Variants in HIPK2 observed in about 807,000 individuals in gnomAD.
HIPK2 encodes homeodomain interacting protein kinase 2.
Under a neutral mutation model 113.7 loss-of-function variants are expected in HIPK2, and 27 were observed. That is an observed-to-expected ratio of 0.24 (90% confidence interval 0.17 to 0.33). HIPK2 has a LOEUF of 0.33. HIPK2 is among the 10% of genes least tolerant of loss of function. The pLI is 1.00. For missense variants in HIPK2, 1,257 were observed against 1,588.0 expected (o/e 0.79, Z 3.54); for synonymous variants, 631 against 642.2 (o/e 0.98, Z 0.26).
Position 139,628,212 on chromosome 7 carries a change from G to A in HIPK2, c.1434+741C>T, listed in dbSNP as rs527509215. Among the ~76,000 whole-genome samples, 18 of 152,344 alleles carry A rather than the reference G, an allele frequency of 1.2e-4. No homozygotes were observed. In the East Asian group the frequency reaches 3.3e-3, roughly 28 times the overall value. On this transcript the variant is annotated intron_variant, in intron 5 of 14. Coordinates refer to ENST00000406875, the MANE Select transcript of HIPK2 (RefSeq NM_022740.5). Reference sequence around the variant, plus strand: ...TGGCCTTTACAGTGAACATGGGCCTGCTGAAGCCCAACTTCCAATTTCTGG... The same window carrying A: ...TGGCCTTTACAGTGAACATGGGCCTACTGAAGCCCAACTTCCAATTTCTGG...
At chr7:139,732,727 G>A (rs941646021) in intron 1 of HIPK2, among the ~76,000 whole-genome samples, 11 of 147,978 alleles carry the variant, frequency 7.4e-5, no homozygotes, top group Non-Finnish European at 1.3e-4. Context: ...TCCTTGTGAG[G>A]AGTAAATGAA....
At chr7:139,605,650 G>A (rs1278776784) in intron 9 of HIPK2, among the ~76,000 whole-genome samples, 3 of 152,098 alleles carry the variant, frequency 2.0e-5, no homozygotes, top group South Asian at 4.1e-4. Flanking sequence ...CACCTGTTCC[G>A]TTATTTTCAT....
chr7:139,579,125 G>A (rs532322646), intron 13 of HIPK2, among the ~76,000 whole-genome samples: 9 of 152,218 alleles, frequency 5.9e-5, no homozygotes, highest in Non-Finnish European at 8.8e-5. Context: ...CCAGTCATTC[G>A]CCAAAATGCG....
chr7:139,600,542 T>C lies in HIPK2; in HGVS notation c.2310A>G (p.Leu770=), dbSNP rs781076437. The change falls in exon 11 of 15, where the codon CTA becomes CTG. Residue 770 remains leucine, a synonymous_variant. Transcript: ENST00000406875. ...HYNPIMQQPA[L]LTGHVTLPAA... Reference sequence around the variant, plus strand: ...CTGGAAGGGTCACATGACCGGTCAATAGTGCAGGCTGCTGCATGATGGGAT... The same window carrying C: ...CTGGAAGGGTCACATGACCGGTCAACAGTGCAGGCTGCTGCATGATGGGAT... 3.7e-6 allele frequency: 6 copies of C among 1,613,998 alleles called. No homozygotes were observed. The highest frequency in any genetic ancestry group is 3.3e-5 in the Admixed American group (2 of 60,018).
chr7:139,727,648 T>C (rs1795624389), intron 1 of HIPK2, among the ~76,000 whole-genome samples: 1 of 152,232 alleles, frequency 6.6e-6, no homozygotes, highest in Non-Finnish European at 1.5e-5. Flanking sequence ...TAACTCCTTT[T>C]GGTAACTCTG....
intron 2 of HIPK2, among the ~76,000 whole-genome samples, chr7:139,711,194 A>G (rs11769215): frequency 0.38 from 57,012 of 151,844 alleles, 15,310 homozygotes; most frequent in African/African-American, 0.76. Flanking sequence ...TTGGGAGGCC[A>G]AGGCAGGCGG....
At chr7:139,602,524 T>C (rs1407507032) in intron 10 of HIPK2, among the ~76,000 whole-genome samples, 1 of 152,008 alleles carries the variant, frequency 6.6e-6, no homozygotes, top group Middle Eastern at 3.2e-3. Context: ...AGTAAGTGTA[T>C]GTGTATTTCT....
chr7:139,754,050 C>T (rs191789646), intron 1 of HIPK2, among the ~76,000 whole-genome samples: 1 of 152,228 alleles, frequency 6.6e-6, no homozygotes, highest in Non-Finnish European at 1.5e-5. Flanking sequence ...GTGCACAACA[C>T]AAAGGGAAGC....
chr7:139,645,869 G>A (rs962317506), intron 2 of HIPK2, among the ~76,000 whole-genome samples: 1 of 152,122 alleles, frequency 6.6e-6, no homozygotes, highest in East Asian at 1.9e-4. Flanking sequence ...GAGCTCTCAC[G>A]GTGACTGGTT....
intron 1 of HIPK2, among the ~76,000 whole-genome samples, chr7:139,773,096 C>T (rs1191559615): frequency 6.6e-6 from 1 of 152,162 alleles, no homozygotes; most frequent in Non-Finnish European, 1.5e-5. Flanking sequence ...CAGGGCCTGA[C>T]ACACAGCAGG....
Position 139,565,167 on chromosome 7 carries a change from A to G in HIPK2, c.*7760T>C, listed in dbSNP as rs1281677472. 1 of 152,122 alleles carries G rather than the reference A, an allele frequency of 6.6e-6. No individual in the cohort carries two copies. The highest frequency in any genetic ancestry group is 2.4e-5 in the African/African-American group (1 of 41,410). The allele number at this position is 152,122 out of a possible 1,614,324, so 9.4% of individuals were successfully genotyped here. On this transcript the variant is annotated 3_prime_UTR_variant, in exon 15 of 15. Coordinates refer to ENST00000406875, the MANE Select transcript of HIPK2 (RefSeq NM_022740.5). ...TTGAGGTAATTATTGCCATTAGGTC[A>G]CAGTTTGTGTAAGATAATGTATCTA...
intron 2 of HIPK2, among the ~76,000 whole-genome samples, chr7:139,634,627 T>C (rs1800741258): frequency 6.6e-6 from 1 of 151,596 alleles, no homozygotes; most frequent in Admixed American, 6.6e-5. Context: ...TTCAGTTTAT[T>C]TAAAACATCA....
rs537212281 is a variant in HIPK2 at position 139,776,866 on chromosome 7, T to C, written c.19+739A>G. ...AGGCAGACCTACTGCTTTTCTGCCT[T>C]GCGTTCTTTTCTTTCTTGCTAAAGG... On this transcript the variant is annotated intron_variant, in intron 1 of 14. Coordinates refer to ENST00000406875, the MANE Select transcript of HIPK2 (RefSeq NM_022740.5). Among the ~76,000 whole-genome samples the C allele has an allele frequency of 2.3e-3, 355 of 152,254 alleles. 2 individuals carry two copies. Among genetic ancestry groups the C allele is most frequent in the African/African-American group, 8.2e-3 (341 of 41,536 alleles).
intron 2 of HIPK2, among the ~76,000 whole-genome samples, chr7:139,689,310 T>C (rs1794328712): frequency 2.0e-5 from 3 of 152,188 alleles, no homozygotes; most frequent in Admixed American, 2.0e-4. Flanking sequence ...ATCATCACAA[T>C]GAAGCCCACA....
intron 2 of HIPK2, among the ~76,000 whole-genome samples, chr7:139,664,926 A>T (rs1378105700): frequency 1.3e-5 from 2 of 151,834 alleles, no homozygotes; most frequent in East Asian, 3.9e-4. Flanking sequence ...AAGCGCTCAG[A>T]CTCCTTCCTC....
rs757561232 is a variant in HIPK2 at position 139,665,039 on chromosome 7, C to CTCTCT, written c.1104-33315_1104-33314insAGAGA. On this transcript the variant is annotated intron_variant, in intron 2 of 14. Transcript: ENST00000406875. ...TTGGTTACCCTTCTTCTTTCTCTCT[C>CTCTCT]TTTTTTTTTTTTTTTTTAGACAGGG... Among the ~76,000 whole-genome samples the CTCTCT allele has an allele frequency of 5.4e-3, 700 of 129,672 alleles. 5 individuals are homozygous for CTCTCT. Among genetic ancestry groups the CTCTCT allele is most frequent in the African/African-American group, 0.018 (650 of 36,384 alleles). The allele number at this position is 129,672 out of a possible 152,430, so 85.1% of individuals were successfully genotyped here. A position where few individuals can be genotyped will look rare whatever the true frequency, so the allele number is the denominator to read the frequency against.
rs1040481296 is a variant in HIPK2 at position 139,631,347 on chromosome 7, T to C, written c.1228-63A>G. 12 of 1,515,864 alleles carry C rather than the reference T, an allele frequency of 7.9e-6. No homozygotes were observed. Among genetic ancestry groups the C allele is most frequent in the Non-Finnish European group, 1.1e-5 (12 of 1,130,920 alleles). 93.9% of individuals were successfully genotyped at this position (1,515,864 alleles called of 1,614,324 possible). A position where few individuals can be genotyped will look rare whatever the true frequency, so the allele number is the denominator to read the frequency against. On this transcript the variant is annotated intron_variant, in intron 3 of 14. Coordinates refer to ENST00000406875, the MANE Select transcript of HIPK2 (RefSeq NM_022740.5). The surrounding 1 kb of genome is among the most constrained non-coding windows in gnomAD (Gnocchi z 4.9). ...TGTCACTATACATATGGTATACTAA[T>C]GGCTCTGCTGGCTTTGAGAAAAATG...
At chr7:139,577,857 A>T in intron 13 of HIPK2, among the ~76,000 whole-genome samples, 1 of 147,892 alleles carries the variant, frequency 6.8e-6, no homozygotes, top group Non-Finnish European at 1.5e-5. Context: ...AACAATACTG[A>T]TTTTTTTTTT....
chr7:139,748,106 TAAA>T (rs1009546949), intron 1 of HIPK2, among the ~76,000 whole-genome samples: 1 of 152,096 alleles, frequency 6.6e-6, no homozygotes, highest in African/African-American at 2.4e-5. Context: ...TTGCTTTCTC[TAAA>T]AAACTCAGTG....
Sources: gnomAD v4.1 joint callset for allele counts (sites outside exome capture counted in the v4.1 genomes callset) on GRCh38, gnomAD v4.1.1 for gene constraint, Gnocchi (gnomAD v3.1) non-coding constraint, MANE v1.5 for transcripts, NCBI Gene and HGNC (gene_info 2026-07-23, HGNC 2026-07-21) for gene names.